The following WDR3 variants were observed in gnomAD, a reference collection of about 807,000 sequenced individuals.
The protein encoded by WDR3 is WD repeat-containing protein 3.
A neutral mutation model predicts 123.7 loss-of-function variants in WDR3; 81 were observed. That is an observed-to-expected ratio of 0.65 (90% CI 0.55 to 0.79). The LOEUF (loss-of-function observed/expected upper bound fraction) is 0.79. Ranked by LOEUF, WDR3 falls within the 30% of genes least tolerant of loss-of-function variation. WDR3 has a pLI of 0.00. For missense variants in WDR3, 1,027 were observed against 1,123.2 expected, an observed-to-expected ratio of 0.91 and a Z score of 1.22; for synonymous variants, 390 against 388.8, an observed-to-expected ratio of 1.00 and a Z score of -0.04.
chr1:117,957,180 C>T lies in WDR3; in HGVS notation c.2566C>T (p.Leu856Phe), dbSNP rs1393125749. The change falls in exon 25 of 27, where the codon CTC (leucine) becomes TTC (phenylalanine). Residue 856 changes from leucine (L) to phenylalanine (F), a missense_variant. By Grantham distance (22) the Leu-to-Phe change is conservative. Transcript: ENST00000349139. ...GSDVELICRC[L>F]FFLLRIHFGQ... is the part of the protein sequence containing the mutation. ...TGATGTTGAACTTATATGCCGGTGC[C>T]TCTTCTTCCTCCTTAGGTAACATCC... is the stretch of plus-strand genomic sequence containing the variant. 1.2e-6 allele frequency: 2 copies of T among 1,611,334 alleles called. No homozygotes were observed. The highest frequency in any genetic ancestry group is 1.1e-5 in the South Asian group (1 of 90,450).
At chr1:117,951,378 T>G (rs556929743) in intron 16 of WDR3, among the ~76,000 whole-genome samples, 8 of 151,100 alleles carry the variant, frequency 5.3e-5, no homozygotes, top group African/African-American at 1.7e-4. Flanking sequence ...TTAAAAACAA[T>G]GTCTATTCTG....
rs1653230195 is a variant in WDR3 at position 117,962,464 on chromosome 1, A to G, written c.*3017A>G. On this transcript the variant is annotated 3_prime_UTR_variant, in exon 27 of 27. Coordinates refer to ENST00000349139, the MANE Select transcript of WDR3 (RefSeq NM_006784.3). ...TTACCTATAGAAATTCTGTAGTACCATAAAGAAAAGCCTTTTGAGATTGCA... is the reference window on the plus strand; with the variant it reads ...TTACCTATAGAAATTCTGTAGTACCGTAAAGAAAAGCCTTTTGAGATTGCA... The G allele has an allele frequency of 6.6e-6, 1 of 152,130 alleles. No homozygotes were observed. The highest frequency in any genetic ancestry group is 6.5e-5 in the Admixed American group (1 of 15,278). 9.4% of individuals were successfully genotyped at this position (152,130 alleles called of 1,614,324 possible).
In WDR3 at chr1:117,961,260, G is replaced by C. The variant is rs1207997297; in HGVS notation, c.*1813G>C. 1.3e-5 allele frequency: 2 copies of C among 152,082 alleles called. No individual in the cohort carries two copies. Among genetic ancestry groups the C allele is most frequent in the African/African-American group, 4.8e-5 (2 of 41,398 alleles). 9.4% of individuals were successfully genotyped at this position (152,082 alleles called of 1,614,324 possible). ...ACAGTGCCACCAGCATTCCAGCCTG[G>C]GCAACACAGTGAGACTCCATCTCCA... On this transcript the variant is annotated 3_prime_UTR_variant, in exon 27 of 27. Coordinates refer to ENST00000349139, the MANE Select transcript of WDR3 (RefSeq NM_006784.3).
chr1:117,949,910 TATC>T (rs1379564370), intron 14 of WDR3, 74 bp downstream of exon 14: 1 of 1,610,270 alleles, frequency 6.2e-7, no homozygotes, highest in African/African-American at 1.3e-5. Context: ...TGACGTCTTA[TATC>T]ATTTGTTGTG....
chr1:117,945,323 C>T (rs1047477545), intron 11 of WDR3, among the ~76,000 whole-genome samples: 2 of 152,192 alleles, frequency 1.3e-5, no homozygotes, highest in African/African-American at 4.8e-5. Flanking sequence ...CCACTAGAGC[C>T]ACACTGGTCT....
At chr1:117,933,840 G>A in intron 2 of WDR3, 1 of 279,406 alleles carries the variant, frequency 3.6e-6, no homozygotes. Flanking sequence ...TAAAATATTA[G>A]GCATGTAAAA....
Position 117,950,053 on chromosome 1 carries a change from T to TAA in WDR3, c.1670_1671insAA (p.Tyr557Ter). The change falls in exon 15 of 27, where the codon TAC becomes TAAAC. Residue 557 changes from tyrosine (Y) to a stop codon, truncating the protein, a stop_gained and frameshift_variant. Coordinates refer to ENST00000349139, the MANE Select transcript of WDR3 (RefSeq NM_006784.3). LOFTEE classifies it high-confidence loss of function. ...AGATGAAGATGTTCTGTGTGTCAGT[T>TAA]ACTCTCCCAATCAAAAGCTATTGGC... is the stretch of plus-strand genomic sequence containing the variant. ...QLDEDVLCVSYSPNQKLLAVS... is the reference protein window; with the variant it reads ...QLDEDVLCVS 6.2e-7 allele frequency: 1 copy of TAA among 1,614,068 alleles called. No individual in the cohort carries two copies.
chr1:117,965,275 G>C lies in WDR3; in HGVS notation c.*5828G>C, dbSNP rs1311242704. On this transcript the variant is annotated 3_prime_UTR_variant, in exon 27 of 27. Transcript: ENST00000349139. Reference sequence around the variant, plus strand: ...TGAAATTCTTCCTAAGGCTTTTGAAGTATTTCACCATTTTCTAATTGCTGC... The same window carrying C: ...TGAAATTCTTCCTAAGGCTTTTGAACTATTTCACCATTTTCTAATTGCTGC... The C allele has an allele frequency of 1.3e-5, 2 of 152,146 alleles. No homozygotes were observed. The highest frequency in any genetic ancestry group is 4.8e-5 in the African/African-American group (2 of 41,440). 9.4% of individuals were successfully genotyped at this position (152,146 alleles called of 1,614,324 possible). A position where few individuals can be genotyped will look rare whatever the true frequency, so the allele number is the denominator to read the frequency against.
rs1487608708 is a variant in WDR3, at chr1:117,964,894, CTG to C, written c.*5449_*5450del. On this transcript the variant is annotated 3_prime_UTR_variant, in exon 27 of 27. Coordinates refer to ENST00000349139, the MANE Select transcript of WDR3 (RefSeq NM_006784.3). The stretch of plus-strand genomic sequence containing the variant: ...CCTTGCCAAGACTAACCCTTCAGCT[CTG>C]TTTTTTATTATTCTTTTGCCCTGTT... 1 of 152,206 alleles carries C rather than the reference CTG, an allele frequency of 6.6e-6. No individual in the cohort carries two copies. The highest frequency in any genetic ancestry group is 1.5e-5 in the Non-Finnish European group (1 of 68,034). 9.4% of individuals were successfully genotyped at this position (152,206 alleles called of 1,614,324 possible).
intron 15 of WDR3, 46 bp from the exon 16 acceptor site, chr1:117,950,788 C>A: frequency 6.9e-7 from 1 of 1,439,164 alleles, no homozygotes; most frequent in Non-Finnish European, 9.7e-7. Flanking sequence ...ATAAATTATA[C>A]CCATATTTTA....
In WDR3 at chr1:117,964,525, C is replaced by T. The variant is rs1653561839; in HGVS notation, c.*5078C>T. On this transcript the variant is annotated 3_prime_UTR_variant, in exon 27 of 27. Transcript: ENST00000349139. ...TTCTTTGGCTAGTTTCCTTCTGTCA[C>T]AATGGAAAAACCCTGTCATTACTCA... 1 of 151,846 alleles carries T rather than the reference C, an allele frequency of 6.6e-6. No homozygotes were observed. Among genetic ancestry groups the T allele is most frequent in the Admixed American group, 6.6e-5 (1 of 15,246 alleles). The allele number at this position is 151,846 out of a possible 1,614,324, so 9.4% of individuals were successfully genotyped here.
chr1:117,934,445 A>G (rs1228100210), intron 2 of WDR3, 28 bp from the exon 3 acceptor site: 2 of 1,609,584 alleles, frequency 1.2e-6, no homozygotes, highest in East Asian at 2.2e-5. Context: ...TAACTCTTCT[A>G]CATTGTTTTT....
chr1:117,959,096 C>A, intron 26 of WDR3, 93 bp downstream of exon 26: 1 of 1,330,204 alleles, frequency 7.5e-7, no homozygotes, highest in Non-Finnish European at 1.0e-6. Flanking sequence ...TTTAGCAATA[C>A]CCACCACCGA....
rs1651486317 is a variant in WDR3 at position 117,948,459 on chromosome 1, G to A, written c.1477G>A (p.Asp493Asn). ...TTCAGGGAATCTGCTGGAGACAATAGATGCACATGATGGAGCTTTGTGGTC... is the reference window on the plus strand; with the variant it reads ...TTCAGGGAATCTGCTGGAGACAATAAATGCACATGATGGAGCTTTGTGGTC... ...LASGNLLETI[D>N]AHDGALWSMS... is the part of the protein sequence containing the mutation. Residue 493 changes from aspartate (D) to asparagine (N), a missense_variant, in exon 13 of 27, where the codon GAT (aspartate) becomes AAT (asparagine). By Grantham distance (23) the Asp-to-Asn change is conservative. Coordinates refer to ENST00000349139, the MANE Select transcript of WDR3 (RefSeq NM_006784.3). The A allele has an allele frequency of 1.2e-6, 2 of 1,614,062 alleles. No individual in the cohort carries two copies. Among genetic ancestry groups the A allele is most frequent in the African/African-American group, 2.7e-5 (2 of 75,046 alleles).
chr1:117,932,676 G>C (rs1306730122), intron 1 of WDR3, among the ~76,000 whole-genome samples: 1 of 152,108 alleles, frequency 6.6e-6, no homozygotes, highest in Non-Finnish European at 1.5e-5. Context: ...CTTTGATGCT[G>C]GTTTAATGGG....
chr1:117,939,487 T>C lies in WDR3; in HGVS notation c.590T>C (p.Leu197Ser), dbSNP rs548055924. The change falls in exon 6 of 27, where the codon TTG becomes TCG. Residue 197 changes from leucine (L) to serine (S), a missense_variant. Transcript: ENST00000349139. Reference sequence around the variant, plus strand: ...TTTTATATTCTATAGGTATGGGGGTTGGTTCTGTTGTCAGAAGAAAAGCGA... The same window carrying C: ...TTTTATATTCTATAGGTATGGGGGTCGGTTCTGTTGTCAGAAGAAAAGCGA... Reference protein sequence around the residue: ...MVGHRTEVWGLVLLSEEKRLI... With the variant: ...MVGHRTEVWGSVLLSEEKRLI... 1 of 1,613,298 alleles carries C rather than the reference T, an allele frequency of 6.2e-7. No homozygotes were observed. Among genetic ancestry groups the C allele is most frequent in the Admixed American group, 1.7e-5 (1 of 60,006 alleles).
In WDR3 at chr1:117,936,801, T is replaced by C; in HGVS notation, c.414T>C (p.Asn138=). ...ATATTATTGTATGGGATGTGATCAATGAAAGTGGTCTGTACCGTCTAAAGG... is the reference window on the plus strand; with the variant it reads ...ATATTATTGTATGGGATGTGATCAACGAAAGTGGTCTGTACCGTCTAAAGG... ...DTDIIVWDVI[N]ESGLYRLKGH... is the part of the protein sequence containing the mutation. Residue 138 remains asparagine (N), a synonymous_variant, in exon 4 of 27, where the codon AAT becomes AAC. Transcript: ENST00000349139. 1.2e-6 allele frequency: 2 copies of C among 1,612,874 alleles called. No individual in the cohort carries two copies. Among genetic ancestry groups the C allele is most frequent in the Non-Finnish European group, 1.7e-6 (2 of 1,179,226 alleles).
Position 117,948,526 on chromosome 1 carries a change from A to T in WDR3, c.1524+20A>T. 2 of 1,604,834 alleles carry T rather than the reference A, an allele frequency of 1.2e-6. No homozygotes were observed. The highest frequency in any genetic ancestry group is 1.7e-6 in the Non-Finnish European group (2 of 1,173,518). On this transcript the variant is annotated intron_variant, in intron 13 of 26. Coordinates refer to ENST00000349139, the MANE Select transcript of WDR3 (RefSeq NM_006784.3). ...GATCAGGTAACTAAACCAGATTTTA[A>T]AGCCCTGGAGTTCAGCCCTGTGGCT...
chr1:117,956,033 G>A (rs944856013), intron 24 of WDR3, among the ~76,000 whole-genome samples: 2 of 152,194 alleles, frequency 1.3e-5, no homozygotes, highest in African/African-American at 4.8e-5. Flanking sequence ...TTTGTTGCCA[G>A]TGTGTGAGCC....
Sources: allele counts gnomAD v4.1 joint callset (sites outside exome capture counted in the v4.1 genomes callset), GRCh38; gene constraint gnomAD v4.1.1; transcripts MANE v1.5; gene names NCBI Gene and HGNC (gene_info 2026-07-23, HGNC 2026-07-21).